Variants in CDH13 observed in about 807,000 individuals in gnomAD.
CDH13 encodes the protein cadherin 13, also known as cadherin-13.
A neutral mutation model predicts 63.8 loss-of-function variants in CDH13; 24 were observed. The ratio of observed to expected loss-of-function variants is 0.38; its 90% CI spans 0.27 to 0.53. The LOEUF (loss-of-function observed/expected upper bound fraction) is 0.53. CDH13 is among the 20% of genes least tolerant of loss of function. CDH13 has a pLI of 0.85. For missense variants in CDH13, 1,049 were observed against 903.1 expected, an observed-to-expected ratio of 1.16 and a Z score of -2.07; for synonymous variants, 503 against 355.3, an observed-to-expected ratio of 1.42 and a Z score of -4.67.
chr16:82,787,212 C>G (rs574564404), intron 1 of CDH13, among the ~76,000 whole-genome samples: 65 of 152,240 alleles, frequency 4.3e-4, no homozygotes, highest in Non-Finnish European at 7.6e-4. Flanking sequence ...AACAGATGCT[C>G]TAAACTTTTT....
chr16:83,268,346 C>G (rs552779962), intron 5 of CDH13, among the ~76,000 whole-genome samples: 1 of 152,192 alleles, frequency 6.6e-6, no homozygotes, highest in Admixed American at 6.5e-5. Context: ...CCTGAGGGAT[C>G]TGGCACATCC....
intron 2 of CDH13, among the ~76,000 whole-genome samples, chr16:82,978,086 T>C (rs2151381058): frequency 6.6e-6 from 1 of 152,220 alleles, no homozygotes; most frequent in Non-Finnish European, 1.5e-5. Flanking sequence ...CTCTGGCACT[T>C]TGAACTGGAG....
intron 1 of CDH13, among the ~76,000 whole-genome samples, chr16:82,649,393 T>C (rs1265883104): frequency 8.5e-5 from 13 of 152,122 alleles, no homozygotes; most frequent in Admixed American, 8.5e-4. Flanking sequence ...TGTAATGTTA[T>C]AGTGGAAAAT....
intron 1 of CDH13, among the ~76,000 whole-genome samples, chr16:82,725,400 C>G (rs898658220): frequency 6.6e-6 from 1 of 152,138 alleles, no homozygotes; most frequent in Non-Finnish European, 1.5e-5. Context: ...GCTGGACTGT[C>G]TGGCTTACAA....
intron 4 of CDH13, among the ~76,000 whole-genome samples, chr16:83,133,810 ACTTGATCT>A (rs1354944156): frequency 6.6e-6 from 1 of 152,150 alleles, no homozygotes; most frequent in East Asian, 1.9e-4. Flanking sequence ...ATGGAATTTT[ACTTGATCT>A]CTTTTATACA....
chr16:83,572,632 C>G (rs1904747205), intron 7 of CDH13, among the ~76,000 whole-genome samples: 2 of 152,306 alleles, frequency 1.3e-5, no homozygotes, highest in South Asian at 4.1e-4. Context: ...CTAGCCCTCG[C>G]TCACCAGTTA....
At chr16:82,915,342 C>G (rs17742774) in intron 2 of CDH13, among the ~76,000 whole-genome samples, 32,617 of 152,134 alleles carry the variant, frequency 0.21, 4,350 homozygotes, top group Non-Finnish European at 0.28. Flanking sequence ...CTGGGTACGT[C>G]TTACAGGCTT....
chr16:83,427,937 A>G (rs777887059), intron 6 of CDH13, among the ~76,000 whole-genome samples: 22 of 152,238 alleles, frequency 1.4e-4, no homozygotes, highest in Admixed American at 7.2e-4. Flanking sequence ...TGGCTGCTCC[A>G]TGTCACCTCA....
chr16:83,411,946 T>C (rs1309912634), intron 6 of CDH13, among the ~76,000 whole-genome samples: 3 of 152,050 alleles, frequency 2.0e-5, no homozygotes, highest in Admixed American at 2.0e-4. Flanking sequence ...AAGGAGCAAA[T>C]CTGGAATCCA....
intron 1 of CDH13, chr16:82,646,404 G>A (rs940508450): frequency 6.6e-6 from 1 of 152,156 alleles, no homozygotes; most frequent in Non-Finnish European, 1.5e-5. Flanking sequence ...ATGTTGGCCA[G>A]GCTGATTTCA....
At chr16:82,781,483 A>G (rs8056786) in intron 1 of CDH13, among the ~76,000 whole-genome samples, 3 of 152,048 alleles carry the variant, frequency 2.0e-5, no homozygotes, top group African/African-American at 7.2e-5. Flanking sequence ...CCACACACCT[A>G]TACATCCATC....
rs943421878 is a variant in CDH13 at position 82,973,054 on chromosome 16, A to T, written c.158-58956A>T. On this transcript the variant is annotated intron_variant, in intron 2 of 13. Transcript: ENST00000567109. ...TCAGAATTTACTGCCACTTTTTGAA[A>T]TAGTTGGAGATACTTTCTATCCTCT... Among the ~76,000 whole-genome samples the T allele has an allele frequency of 3.3e-5, 5 of 152,194 alleles. No homozygotes were observed. The East Asian group carries it at 9.6e-4, about 29-fold the overall frequency.
intron 5 of CDH13, among the ~76,000 whole-genome samples, chr16:83,279,757 A>G (rs1484581219): frequency 2.0e-5 from 3 of 152,160 alleles, no homozygotes; most frequent in African/African-American, 4.8e-5. Flanking sequence ...ATACCTAAAG[A>G]TAATATAGGC....
intron 6 of CDH13, among the ~76,000 whole-genome samples, chr16:83,369,492 C>T (rs565556759): frequency 3.9e-4 from 59 of 152,262 alleles, no homozygotes; most frequent in African/African-American, 1.4e-3. Context: ...AGTCATGGCT[C>T]ACTGCAGCAT....
chr16:83,139,785 C>T (rs1020855019), intron 4 of CDH13, among the ~76,000 whole-genome samples: 1 of 152,134 alleles, frequency 6.6e-6, no homozygotes, highest in Non-Finnish European at 1.5e-5. Flanking sequence ...GGTGGATCAC[C>T]TGAGGTCGGG....
chr16:83,021,135 T>G (rs1210645021), intron 2 of CDH13, among the ~76,000 whole-genome samples: 2 of 152,212 alleles, frequency 1.3e-5, no homozygotes, highest in Non-Finnish European at 2.9e-5. Context: ...GATTTTTCTT[T>G]CGCTTAATGG....
rs146220110 is a variant in CDH13 at position 83,201,637 on chromosome 16, C to T, written c.484-15708C>T. Reference sequence around the variant, plus strand: ...CGTTGGCTGGGCACGGTGGCTCACGCCTGTAATCCCAGCACTTTGGGAGGC... The same window carrying T: ...CGTTGGCTGGGCACGGTGGCTCACGTCTGTAATCCCAGCACTTTGGGAGGC... On this transcript the variant is annotated intron_variant, in intron 4 of 13. Coordinates refer to ENST00000567109, the MANE Select transcript of CDH13 (RefSeq NM_001257.5). Among the ~76,000 whole-genome samples the T allele has an allele frequency of 3.3e-5, 5 of 152,110 alleles. No individual in the cohort carries two copies. In the East Asian group the frequency reaches 9.7e-4, roughly 29 times the overall value.
chr16:83,158,834 G>T (rs2037328143), intron 4 of CDH13, among the ~76,000 whole-genome samples: 1 of 152,218 alleles, frequency 6.6e-6, no homozygotes, highest in Non-Finnish European at 1.5e-5. Context: ...GCGGCGGGGT[G>T]GTCCTTGGTA....
chr16:83,003,036 C>T (rs972006724), intron 2 of CDH13, among the ~76,000 whole-genome samples: 1 of 152,192 alleles, frequency 6.6e-6, no homozygotes, highest in South Asian at 2.1e-4. Context: ...AATACTGGTC[C>T]AGCATGACTC....
Sources: gnomAD v4.1 joint callset for allele counts (sites outside exome capture counted in the v4.1 genomes callset) on GRCh38, gnomAD v4.1.1 for gene constraint, MANE v1.5 for transcripts, NCBI Gene and HGNC (gene_info 2026-07-23, HGNC 2026-07-21) for gene names.